KCNT2: variants seen among roughly 807,000 people sequenced by gnomAD.
KCNT2 encodes potassium sodium-activated channel subfamily T member 2.
Under a neutral mutation model 153.8 loss-of-function variants are expected in KCNT2, and 67 were observed. That is an observed-to-expected ratio of 0.44 (90% CI 0.36 to 0.53). KCNT2 has a LOEUF of 0.53. KCNT2 is among the 20% of genes least tolerant of loss of function. The pLI is 0.00. For synonymous variants in KCNT2, 500 were observed against 458.8 expected (o/e 1.09, Z -1.15); for missense variants, 975 against 1,354.8 (o/e 0.72, Z 4.40).
chr1:196,283,719 T>G (rs190378235), intron 23 of KCNT2, among the ~76,000 whole-genome samples: 2 of 152,156 alleles, frequency 1.3e-5, no homozygotes, highest in Non-Finnish European at 2.9e-5. Flanking sequence ...TCTACTTAAG[T>G]GTTTTTTAAA....
rs544834633 is a variant in KCNT2, at chr1:196,336,056, T to C, written c.1784-1996A>G. On this transcript the variant is annotated intron_variant, in intron 16 of 27. Coordinates refer to ENST00000294725, the MANE Select transcript of KCNT2 (RefSeq NM_198503.5). ...AACCCTGCTTAAGTTAAACTCTCCA[T>C]GTTCCCCATATCTATACCTATGCAA... 1.1e-4 allele frequency among the ~76,000 whole-genome samples: 17 copies of C among 152,250 alleles called. No individual in the cohort carries two copies. In the South Asian group the frequency reaches 3.5e-3, roughly 32 times the overall value.
At chr1:196,260,551 T>C (rs1410912145) in intron 25 of KCNT2, among the ~76,000 whole-genome samples, 1 of 151,806 alleles carries the variant, frequency 6.6e-6, no homozygotes, top group East Asian at 1.9e-4. Flanking sequence ...TTTTCAATAA[T>C]TCCATAAAAT....
chr1:196,395,118 G>C (rs1005278849), intron 13 of KCNT2, among the ~76,000 whole-genome samples: 1 of 150,846 alleles, frequency 6.6e-6, no homozygotes, highest in Non-Finnish European at 1.5e-5. Context: ...TTTCAACTTG[G>C]TGATTATATA....
intron 1 of KCNT2, among the ~76,000 whole-genome samples, chr1:196,590,847 C>T (rs577647820): frequency 6.6e-6 from 1 of 152,044 alleles, no homozygotes; most frequent in Non-Finnish European, 1.5e-5. Context: ...GATCTCAGGC[C>T]GAGTGCAGTG....
intron 1 of KCNT2, among the ~76,000 whole-genome samples, chr1:196,539,260 G>C (rs869257): frequency 1.3e-5 from 2 of 151,946 alleles, no homozygotes; most frequent in Non-Finnish European, 2.9e-5. Context: ...GATGCCATAC[G>C]TTAACTAATT....
At chr1:196,281,158 C>A (rs1404079885) in intron 24 of KCNT2, among the ~76,000 whole-genome samples, 170 bp from the exon 25 acceptor site, 1 of 152,098 alleles carries the variant, frequency 6.6e-6, no homozygotes, top group Non-Finnish European at 1.5e-5. Context: ...AACCGACATC[C>A]CTGGCTGAAG....
chr1:196,423,364 G>T (rs934107230), intron 11 of KCNT2, among the ~76,000 whole-genome samples: 1 of 151,716 alleles, frequency 6.6e-6, no homozygotes, highest in Non-Finnish European at 1.5e-5. Context: ...AAAGCCAAAT[G>T]TTATTTCTTT....
chr1:196,422,271 G>T (rs757489196), intron 12 of KCNT2, among the ~76,000 whole-genome samples: 7 of 151,868 alleles, frequency 4.6e-5, no homozygotes, highest in Non-Finnish European at 1.0e-4. Flanking sequence ...AGAATAAAAC[G>T]TATACCTGAA....
At chr1:196,357,878 A>T (rs116000074) in intron 14 of KCNT2, among the ~76,000 whole-genome samples, 16 of 152,010 alleles carry the variant, frequency 1.1e-4, no homozygotes, top group Non-Finnish European at 2.1e-4. Flanking sequence ...AGTCTTGTCT[A>T]AAGTTTAAAA....
intron 1 of KCNT2, among the ~76,000 whole-genome samples, chr1:196,602,002 C>T (rs1322532298): frequency 6.6e-6 from 1 of 151,880 alleles, no homozygotes; most frequent in Non-Finnish European, 1.5e-5. Flanking sequence ...GATTAAGATT[C>T]TGTGAAAAGG....
At chr1:196,588,640 TAGTATACCC>T (rs890331401) in intron 1 of KCNT2, among the ~76,000 whole-genome samples, 43 of 152,094 alleles carry the variant, frequency 2.8e-4, no homozygotes, top group Admixed American at 2.4e-3. Context: ...AATGTTACAA[TAGTATACCC>T]AGAAAGTAAA....
intron 12 of KCNT2, among the ~76,000 whole-genome samples, chr1:196,414,200 C>G (rs569615979): frequency 1.5e-4 from 23 of 151,696 alleles, no homozygotes; most frequent in South Asian, 1.5e-3. Flanking sequence ...AATATATTTT[C>G]ACACGTAACA....
intron 1 of KCNT2, among the ~76,000 whole-genome samples, chr1:196,601,389 C>T (rs141086437): frequency 1.3e-5 from 2 of 152,278 alleles, no homozygotes; most frequent in African/African-American, 4.8e-5. Flanking sequence ...TATCGGTTTC[C>T]ACTACTGTAA....
chr1:196,266,758 T>C (rs1657578615), intron 25 of KCNT2, among the ~76,000 whole-genome samples: 1 of 152,190 alleles, frequency 6.6e-6, no homozygotes, highest in Non-Finnish European at 1.5e-5. Flanking sequence ...TAGTAGATCA[T>C]CCAAAGCTTA....
intron 1 of KCNT2, among the ~76,000 whole-genome samples, chr1:196,592,931 T>C (rs565929449): frequency 1.9e-4 from 29 of 150,650 alleles, no homozygotes; most frequent in Admixed American, 4.0e-4. Flanking sequence ...TAAAATAATT[T>C]TTTATTTCCA....
chr1:196,505,859 G>A (rs1279425887), intron 1 of KCNT2, among the ~76,000 whole-genome samples: 2 of 152,128 alleles, frequency 1.3e-5, no homozygotes, highest in Non-Finnish European at 2.9e-5. Flanking sequence ...GTGAATGGGA[G>A]TTCACTCATG....
chr1:196,558,808 T>A (rs1383151726), intron 1 of KCNT2, among the ~76,000 whole-genome samples: 6 of 151,540 alleles, frequency 4.0e-5, no homozygotes, highest in African/African-American at 1.4e-4. Context: ...AAAATACACA[T>A]TAAATCAAAT....
chr1:196,292,021 C>T (rs1423824997), intron 22 of KCNT2, among the ~76,000 whole-genome samples: 3 of 152,066 alleles, frequency 2.0e-5, no homozygotes, highest in Admixed American at 1.3e-4. Flanking sequence ...TTAAATGTGT[C>T]TTAAAAAATA....
At chr1:196,483,829 C>T (rs940473910) in intron 3 of KCNT2, among the ~76,000 whole-genome samples, 2 of 152,150 alleles carry the variant, frequency 1.3e-5, no homozygotes, top group Non-Finnish European at 2.9e-5. Flanking sequence ...ATCTAATTTA[C>T]TCACCATTAT....
Sources: allele counts gnomAD v4.1 joint callset (sites outside exome capture counted in the v4.1 genomes callset), GRCh38; gene constraint gnomAD v4.1.1; transcripts MANE v1.5; gene names NCBI Gene and HGNC (gene_info 2026-07-23, HGNC 2026-07-21).